Variants in COL5A1 observed in about 807,000 individuals in gnomAD.
The protein encoded by COL5A1 is collagen type V alpha 1 chain.
A neutral mutation model predicts 263.7 loss-of-function variants in COL5A1; 16 were observed. That is an observed-to-expected ratio of 0.06 (90% CI 0.04 to 0.09). COL5A1 has a LOEUF of 0.09. COL5A1 is among the 10% of genes least tolerant of loss of function. COL5A1 has a pLI of 1.00. For synonymous variants in COL5A1, 1,012 were observed against 1,004.5 expected, an observed-to-expected ratio of 1.01 and a Z score of -0.14; for missense variants, 2,036 against 2,540.5, an observed-to-expected ratio of 0.80 and a Z score of 4.27.
chr9:134,823,607 A>G lies in COL5A1; in HGVS notation c.4698+138A>G, dbSNP rs960724124. The G allele has an allele frequency of 4.7e-6, 4 of 842,636 alleles. No individual in the cohort carries two copies. The African/African-American group carries it at 5.1e-5, about 11-fold the overall frequency. 52.2% of individuals were successfully genotyped at this position (842,636 alleles called of 1,614,324 possible). On this transcript the variant is annotated intron_variant, in intron 61 of 65. Coordinates refer to ENST00000371817, the MANE Select transcript of COL5A1 (RefSeq NM_000093.5). ...GGCATGCCCGGGCCTTGTCCCTCGC[A>G]CGCAGCCGGGGAAATGAGCCACACA... is the stretch of plus-strand genomic sequence containing the variant.
chr9:134,740,830 C>T (rs974459920), intron 11 of COL5A1, among the ~76,000 whole-genome samples: 4 of 152,212 alleles, frequency 2.6e-5, no homozygotes, highest in Admixed American at 1.3e-4. Context: ...TGGAGAATAT[C>T]GTTGGTTTAG....
At chr9:134,671,309 G>GC (rs1832533203) in intron 1 of COL5A1, among the ~76,000 whole-genome samples, 1 of 152,176 alleles carries the variant, frequency 6.6e-6, no homozygotes, top group South Asian at 2.1e-4. Context: ...TCCAAGTCCT[G>GC]CCCCCAGTGC....
At chr9:134,707,845 C>T (rs1004638451) in intron 4 of COL5A1, among the ~76,000 whole-genome samples, 1 of 152,218 alleles carries the variant, frequency 6.6e-6, no homozygotes, top group Admixed American at 6.5e-5. Flanking sequence ...GCCGGGGAAG[C>T]CCCAGGGGAG....
intron 64 of COL5A1, 42 bp from the exon 65 acceptor site, chr9:134,834,929 G>A (rs1485300792): frequency 1.4e-6 from 2 of 1,414,228 alleles, no homozygotes; most frequent in African/African-American, 1.4e-5. Context: ...GTTGCTGTGT[G>A]TGTCCCCACC....
At chr9:134,749,686 G>C (rs777801344) in intron 11 of COL5A1, among the ~76,000 whole-genome samples, 5 of 152,246 alleles carry the variant, frequency 3.3e-5, no homozygotes, top group Admixed American at 6.5e-5. Context: ...CGCTACACTG[G>C]AGTGTAACTG....
In COL5A1 at chr9:134,786,059, G is replaced by T. The variant is rs1171685841; in HGVS notation, c.2646+11G>T. 6 of 1,609,298 alleles carry T rather than the reference G, an allele frequency of 3.7e-6. No individual in the cohort carries two copies. The Admixed American group carries it at 6.7e-5, about 18-fold the overall frequency. ...AGACAAGGACCAAAGGTAACTTCTGGCCGTGTTAGGTGTCCCGGGACAGGC... is the reference window on the plus strand; with the variant it reads ...AGACAAGGACCAAAGGTAACTTCTGTCCGTGTTAGGTGTCCCGGGACAGGC... On this transcript the variant is annotated intron_variant, in intron 31 of 65. Coordinates refer to ENST00000371817, the MANE Select transcript of COL5A1 (RefSeq NM_000093.5).
intron 53 of COL5A1, among the ~76,000 whole-genome samples, 181 bp downstream of exon 53, chr9:134,817,260 G>T (rs1439684282): frequency 6.6e-6 from 1 of 152,212 alleles, no homozygotes. Context: ...GGCTTGCCAG[G>T]TCGACGCAGC....
At chr9:134,805,834 A>G (rs1838277552) in intron 41 of COL5A1, among the ~76,000 whole-genome samples, 1 of 150,094 alleles carries the variant, frequency 6.7e-6, no homozygotes, top group African/African-American at 2.4e-5. Flanking sequence ...TGGGCTCTAG[A>G]GGGAAGGGGG....
rs1835824786 is a variant in COL5A1, at chr9:134,752,641, C to G, written c.1715C>G (p.Pro572Arg). ...GPMGLTGRPG[P>R]VGPPGSGGLK... ...ATGGGTCTCACAGGGAGACCTGGCCCTGTGGTAAGTCATTGGCAAATCTGA... is the reference window on the plus strand; with the variant it reads ...ATGGGTCTCACAGGGAGACCTGGCCGTGTGGTAAGTCATTGGCAAATCTGA... The change falls in exon 14 of 66, where the codon CCT (proline) becomes CGT (arginine). Residue 572 changes from proline to arginine, a missense_variant. Pro to Arg is a moderately radical substitution (Grantham distance 103, BLOSUM62 -2). This residue lies in a region of COL5A1 where 1,078 missense variants were observed against 1,521.4 expected (regional missense o/e 0.71). Transcript: ENST00000371817. 1 of 1,612,282 alleles carries G rather than the reference C, an allele frequency of 6.2e-7. No homozygotes were observed. Among genetic ancestry groups the G allele is most frequent in the Non-Finnish European group, 8.5e-7 (1 of 1,178,576 alleles).
At chr9:134,693,562 C>T (rs567095377) in intron 2 of COL5A1, among the ~76,000 whole-genome samples, 5 of 152,154 alleles carry the variant, frequency 3.3e-5, no homozygotes, top group Non-Finnish European at 7.3e-5. Context: ...GGGCTGTCTA[C>T]GGAGTCCCTT....
chr9:134,756,589 C>A (rs1284948492), intron 16 of COL5A1, among the ~76,000 whole-genome samples, 176 bp from the exon 17 acceptor site: 1 of 152,206 alleles, frequency 6.6e-6, no homozygotes, highest in Non-Finnish European at 1.5e-5. Flanking sequence ...ACAGAACAGC[C>A]CCGCCCGGGC....
intron 1 of COL5A1, among the ~76,000 whole-genome samples, chr9:134,668,949 A>AT (rs1832440053): frequency 8.6e-6 from 1 of 115,904 alleles, no homozygotes; most frequent in Non-Finnish European, 1.8e-5. Flanking sequence ...CCTTCCACCC[A>AT]CCCACCCATC....
intron 9 of COL5A1, among the ~76,000 whole-genome samples, chr9:134,736,349 A>C (rs1251726084): frequency 6.6e-6 from 1 of 152,252 alleles, no homozygotes; most frequent in Non-Finnish European, 1.5e-5. Flanking sequence ...CTGTGTCCTC[A>C]CATAGCGGAA....
chr9:134,732,503 G>A (rs751516587), intron 9 of COL5A1: 8 of 407,920 alleles, frequency 2.0e-5, no homozygotes, highest in South Asian at 1.1e-4. Context: ...GGCCCATTCC[G>A]TGTAAAAGAT....
rs370565229 is a variant in COL5A1 at position 134,754,293 on chromosome 9, C to G, written c.1794C>G (p.Gly598=). ...GGCAGGGTCCTCGAGGTGTGCAAGG[C>G]CCGCCTGGTCCGGCCGGGAAGCCCG... ...VGPQGPRGVQ[G]PPGPAGKPGR... Residue 598 remains glycine, a synonymous_variant, in exon 16 of 66, where the codon GGC becomes GGG. Transcript: ENST00000371817. The surrounding 1 kb of genome is among the most constrained non-coding windows in gnomAD (Gnocchi z 4.3). 7 of 1,614,018 alleles carry G rather than the reference C, an allele frequency of 4.3e-6. No homozygotes were observed. The highest frequency in any genetic ancestry group is 2.2e-5 in the South Asian group (2 of 91,090).
At chr9:134,780,962 A>G (rs779336197) in intron 28 of COL5A1, among the ~76,000 whole-genome samples, 6 of 152,210 alleles carry the variant, frequency 3.9e-5, no homozygotes, top group Non-Finnish European at 5.9e-5. Flanking sequence ...TCCGTAAGGC[A>G]TGTTGGTCCC....
At chr9:134,740,037 G>A (rs1392393265) in intron 11 of COL5A1, among the ~76,000 whole-genome samples, 1 of 152,178 alleles carries the variant, frequency 6.6e-6, no homozygotes, top group South Asian at 2.1e-4. Flanking sequence ...TGCTTTTCAC[G>A]GTCAGGGATT....
chr9:134,827,617 G>A (rs760102233), intron 63 of COL5A1, among the ~76,000 whole-genome samples: 23 of 152,226 alleles, frequency 1.5e-4, no homozygotes, highest in Admixed American at 2.6e-4. Context: ...CTGGGAAGCC[G>A]CGGCTGGTGT....
intron 1 of COL5A1, among the ~76,000 whole-genome samples, chr9:134,689,201 C>T (rs1285217414): frequency 6.6e-6 from 1 of 152,188 alleles, no homozygotes; most frequent in Non-Finnish European, 1.5e-5. Flanking sequence ...CTGCAGGTGC[C>T]CCTGGCTGCA....
Sources: allele counts gnomAD v4.1 joint callset (sites outside exome capture counted in the v4.1 genomes callset), GRCh38; gene constraint gnomAD v4.1.1; regional missense constraint gnomAD v4.1.1; non-coding constraint Gnocchi (gnomAD v3.1); transcripts MANE v1.5; gene names NCBI Gene and HGNC (gene_info 2026-07-23, HGNC 2026-07-21).